CRACR2A: variants seen among roughly 807,000 people sequenced by gnomAD.
CRACR2A encodes the protein EF-hand calcium-binding domain-containing protein 4B.
CRACR2A carries 79 observed loss-of-function variants against 90.5 expected under a neutral mutation model. The ratio of observed to expected loss-of-function variants is 0.87; its 90% CI spans 0.73 to 1.05. The LOEUF (loss-of-function observed/expected upper bound fraction) is 1.05. CRACR2A is among the 50% of genes least tolerant of loss of function. The pLI is 0.00. For synonymous variants in CRACR2A, 338 were observed against 356.7 expected, an observed-to-expected ratio of 0.95 and a Z score of 0.59; for missense variants, 823 against 897.2, an observed-to-expected ratio of 0.92 and a Z score of 1.06.
intron 17 of CRACR2A, 107 bp from the exon 18 acceptor site, chr12:3,619,479 G>C (rs1591631358): frequency 9.5e-5 from 80 of 842,390 alleles, no homozygotes. Flanking sequence ...AGAATCCCCT[G>C]CTGCCATAAA....
chr12:3,672,791 C>G, intron 7 of CRACR2A: 1 of 985,404 alleles, frequency 1.0e-6, no homozygotes, highest in Non-Finnish European at 1.2e-6. Context: ...GTGAGGAGGA[C>G]TCTGGGTTGT....
At chr12:3,644,073 C>G (rs984796093) in intron 12 of CRACR2A, among the ~76,000 whole-genome samples, 2 of 144,908 alleles carry the variant, frequency 1.4e-5, no homozygotes, top group East Asian at 4.3e-4. Flanking sequence ...TATATGCACA[C>G]ACTACATATA....
chr12:3,741,857 A>G (rs1331393872), intron 1 of CRACR2A, among the ~76,000 whole-genome samples: 1 of 152,196 alleles, frequency 6.6e-6, no homozygotes, highest in African/African-American at 2.4e-5. Context: ...CATCCTCAAG[A>G]GCTCCAATTA....
At chr12:3,694,546 C>T (rs1481028270) in intron 4 of CRACR2A, among the ~76,000 whole-genome samples, 1 of 152,144 alleles carries the variant, frequency 6.6e-6, no homozygotes, top group Non-Finnish European at 1.5e-5. Context: ...GTATGCACAC[C>T]GCAGCCCCAT....
rs139597524 is a variant in CRACR2A at position 3,617,120 on chromosome 12, A to G, written c.2035-90T>C. 199 of 918,206 alleles carry G rather than the reference A, an allele frequency of 2.2e-4. 1 individual carries two copies. The African/African-American group carries it at 3.0e-3, about 14-fold the overall frequency. The allele number at this position is 918,206 out of a possible 1,614,324, so 56.9% of individuals were successfully genotyped here. On this transcript the variant is annotated intron_variant, in intron 18 of 19. Coordinates refer to ENST00000440314, the MANE Select transcript of CRACR2A (RefSeq NM_001144958.2). ...GGAGAGCCCCCTTGTGCATCTACCT[A>G]CAGCCTTCACTTCCTCTCGCAGCCC...
At chr12:3,623,382 C>G (rs148721400) in intron 17 of CRACR2A, among the ~76,000 whole-genome samples, 1 of 152,134 alleles carries the variant, frequency 6.6e-6, no homozygotes, top group Non-Finnish European at 1.5e-5. Context: ...GCCATCAGAA[C>G]GACAAGAGGC....
At chr12:3,666,331 G>A (rs901706865) in intron 7 of CRACR2A, among the ~76,000 whole-genome samples, 8 of 65,440 alleles carry the variant, frequency 1.2e-4, no homozygotes, top group Admixed American at 9.0e-4. Context: ...GGACGGCTGC[G>A]TGTGTGTGTG....
intron 5 of CRACR2A, among the ~76,000 whole-genome samples, chr12:3,679,704 A>G (rs1945411482): frequency 6.6e-6 from 1 of 152,162 alleles, no homozygotes; most frequent in Non-Finnish European, 1.5e-5. Flanking sequence ...ATCTGATAGG[A>G]TAGTGTGTCT....
intron 4 of CRACR2A, among the ~76,000 whole-genome samples, chr12:3,684,171 T>G (rs1945510284): frequency 6.6e-6 from 1 of 152,236 alleles, no homozygotes. Flanking sequence ...CCATTTTTTA[T>G]GTCCAGAATT....
intron 4 of CRACR2A, among the ~76,000 whole-genome samples, chr12:3,691,852 C>T (rs898408595): frequency 5.3e-5 from 8 of 152,178 alleles, no homozygotes; most frequent in African/African-American, 1.7e-4. Flanking sequence ...GATTCTCATT[C>T]TTTTTTCTCT....
intron 7 of CRACR2A, among the ~76,000 whole-genome samples, chr12:3,671,034 TCAA>T (rs1040807911): frequency 3.3e-5 from 5 of 152,132 alleles, no homozygotes; most frequent in African/African-American, 4.8e-5. Context: ...GACTTTTATC[TCAA>T]CAACGTTTCG....
chr12:3,659,576 C>G lies in CRACR2A; in HGVS notation c.750G>C (p.Gln250His), dbSNP rs780442423. 2 of 1,614,160 alleles carry G rather than the reference C, an allele frequency of 1.2e-6. No homozygotes were observed. Among genetic ancestry groups the G allele is most frequent in the Non-Finnish European group, 1.7e-6 (2 of 1,179,976 alleles). ...AGCGTACACTTACCTTCAGGAGAAA[C>G]TGCTCCTTCTCACTTTTGATTTGTT... is the stretch of plus-strand genomic sequence containing the variant. ...MEQQIKSEKEQFLLKDTERFQ... is the reference protein window; with the variant it reads ...MEQQIKSEKEHFLLKDTERFQ... Residue 250 changes from glutamine (Q) to histidine (H), a missense_variant, in exon 8 of 20, where the codon CAG (glutamine) becomes CAC (histidine). Coordinates refer to ENST00000440314, the MANE Select transcript of CRACR2A (RefSeq NM_001144958.2).
At chr12:3,643,750 T>G (rs1944617393) in intron 12 of CRACR2A, among the ~76,000 whole-genome samples, 1 of 113,748 alleles carries the variant, frequency 8.8e-6, no homozygotes, top group Non-Finnish European at 1.7e-5. Flanking sequence ...TACATACATA[T>G]ATATGCACAC....
intron 1 of CRACR2A, among the ~76,000 whole-genome samples, chr12:3,735,355 G>A (rs1020533437): frequency 3.3e-5 from 5 of 152,200 alleles, no homozygotes; most frequent in African/African-American, 7.2e-5. Context: ...GAGACCTGGC[G>A]CTGGGAGAGT....
chr12:3,733,436 A>T (rs1189370232), intron 1 of CRACR2A, among the ~76,000 whole-genome samples: 1 of 152,092 alleles, frequency 6.6e-6, no homozygotes, highest in Non-Finnish European at 1.5e-5. Flanking sequence ...CTTCTTGCCA[A>T]TGGGTAGGTT....
chr12:3,643,821 AT>A (rs1466172828), intron 12 of CRACR2A, among the ~76,000 whole-genome samples: 3 of 110,998 alleles, frequency 2.7e-5, no homozygotes, highest in Non-Finnish European at 3.4e-5. Flanking sequence ...ATATATTTAT[AT>A]TATATATAAA....
chr12:3,679,493 C>CT (rs1945406803), intron 5 of CRACR2A, among the ~76,000 whole-genome samples: 1 of 152,198 alleles, frequency 6.6e-6, no homozygotes, highest in Non-Finnish European at 1.5e-5. Context: ...CATCCTCCCG[C>CT]TAGCATCACT....
chr12:3,627,731 G>C, intron 15 of CRACR2A, 25 bp from the exon 16 acceptor site: 1 of 1,549,084 alleles, frequency 6.5e-7, no homozygotes, highest in Non-Finnish European at 8.7e-7. Flanking sequence ...GGGCCTGTCA[G>C]GGCTGCCCTG....
At chr12:3,643,804 AT>A (rs1565470805) in intron 12 of CRACR2A, among the ~76,000 whole-genome samples, 3 of 109,140 alleles carry the variant, frequency 2.7e-5, no homozygotes, top group African/African-American at 1.1e-4. Flanking sequence ...TATAATATAT[AT>A]TATATATATA....
Sources: allele counts gnomAD v4.1 joint callset (sites outside exome capture counted in the v4.1 genomes callset), GRCh38; gene constraint gnomAD v4.1.1; transcripts MANE v1.5; gene names NCBI Gene and HGNC (gene_info 2026-07-23, HGNC 2026-07-21).